Variants in TEAD1 observed in about 807,000 individuals in gnomAD.
TEAD1 encodes transcriptional enhancer factor TEF-1.
A neutral mutation model predicts 54.9 loss-of-function variants in TEAD1; 9 were observed. That is an observed-to-expected ratio of 0.16 (90% confidence interval 0.10 to 0.29). The LOEUF (loss-of-function observed/expected upper bound fraction) is 0.29, where lower values mean the gene tolerates loss of function less well. Among genes scored for constraint, TEAD1 ranks in the 10% least tolerant of loss-of-function variants. The pLI is 1.00. For missense variants in TEAD1, 387 were observed against 535.9 expected, an observed-to-expected ratio of 0.72 and a Z score of 2.74; for synonymous variants, 200 against 187.8, an observed-to-expected ratio of 1.07 and a Z score of -0.53.
At chr11:12,807,047 A>T (rs1946187382) in intron 3 of TEAD1, among the ~76,000 whole-genome samples, 1 of 152,210 alleles carries the variant, frequency 6.6e-6, no homozygotes, top group Non-Finnish European at 1.5e-5. Context: ...GTTTTATTTT[A>T]AAAAATGATG....
chr11:12,785,962 G>A (rs1366501699), intron 3 of TEAD1, among the ~76,000 whole-genome samples: 1 of 152,118 alleles, frequency 6.6e-6, no homozygotes, highest in African/African-American at 2.4e-5. Flanking sequence ...TACAAATCAC[G>A]AGAGCAGCAT....
intron 3 of TEAD1, among the ~76,000 whole-genome samples, chr11:12,861,980 C>CT (rs530996974): frequency 7.8e-4 from 106 of 135,600 alleles, no homozygotes; most frequent in African/African-American, 2.9e-3. Flanking sequence ...GAGTGAAACT[C>CT]TGTCTTTTTT....
In TEAD1 at chr11:12,751,845, C is replaced by T. The variant is rs141304214; in HGVS notation, c.-54-12334C>T. ...GACTTAGGAATGAAACCAAACTTGCCGACCAAAACCACCTCTGAGCACTCT... is the reference window on the plus strand; with the variant it reads ...GACTTAGGAATGAAACCAAACTTGCTGACCAAAACCACCTCTGAGCACTCT... On this transcript the variant is annotated intron_variant, in intron 2 of 12. Transcript: ENST00000527636. Among the ~76,000 whole-genome samples the T allele has an allele frequency of 7.9e-3, 1,195 of 152,180 alleles. 21 individuals are homozygous for T. The highest frequency in any genetic ancestry group is 0.027 in the African/African-American group (1,141 of 41,510).
At chr11:12,712,385 C>G (rs1590074723) in intron 2 of TEAD1, among the ~76,000 whole-genome samples, 1 of 152,206 alleles carries the variant, frequency 6.6e-6, no homozygotes, top group East Asian at 1.9e-4. Flanking sequence ...TGCACCTACA[C>G]AGCTTCACCT....
chr11:12,778,611 C>G (rs1182337540), intron 3 of TEAD1, among the ~76,000 whole-genome samples: 5 of 148,452 alleles, frequency 3.4e-5, no homozygotes, highest in Admixed American at 1.4e-4. Flanking sequence ...GAGAACTCTT[C>G]AAGGGCCAGT....
At chr11:12,855,283 TC>T (rs1947354794) in intron 3 of TEAD1, among the ~76,000 whole-genome samples, 1 of 152,176 alleles carries the variant, frequency 6.6e-6, no homozygotes, top group Non-Finnish European at 1.5e-5. Flanking sequence ...TTTTCTTTTT[TC>T]TTTCTTTCTT....
rs532603885 is a variant in TEAD1, at chr11:12,919,153, T to A, written c.874-5759T>A. Among the ~76,000 whole-genome samples the A allele has an allele frequency of 2.0e-5, 3 of 152,358 alleles. No homozygotes were observed. The South Asian group carries it at 6.2e-4, about 32-fold the overall frequency. ...TTAACTTTGACAGCTTTAAAACATGTAATTTGTTGGGATGGTTTCTGAGGG... is the reference window on the plus strand; with the variant it reads ...TTAACTTTGACAGCTTTAAAACATGAAATTTGTTGGGATGGTTTCTGAGGG... On this transcript the variant is annotated intron_variant, in intron 10 of 12. Transcript: ENST00000527636.
At chr11:12,715,414 C>G (rs538813806) in intron 2 of TEAD1, among the ~76,000 whole-genome samples, 12 of 152,136 alleles carry the variant, frequency 7.9e-5, no homozygotes, top group Non-Finnish European at 1.5e-4. Context: ...GGGTATGGGT[C>G]TCGGGTGATG....
chr11:12,734,285 G>T (rs1944482657), intron 2 of TEAD1, among the ~76,000 whole-genome samples: 1 of 151,954 alleles, frequency 6.6e-6, no homozygotes, highest in Non-Finnish European at 1.5e-5. Flanking sequence ...TATAGAAAAA[G>T]ACATAAAATA....
chr11:12,795,750 G>A (rs1279775360), intron 3 of TEAD1, among the ~76,000 whole-genome samples: 1 of 152,118 alleles, frequency 6.6e-6, no homozygotes, highest in African/African-American at 2.4e-5. Context: ...AGATCCCCAG[G>A]TGATTTGGGT....
At chr11:12,680,496 C>G (rs11022469) in intron 2 of TEAD1, among the ~76,000 whole-genome samples, 3 of 152,300 alleles carry the variant, frequency 2.0e-5, no homozygotes, top group East Asian at 3.9e-4. Flanking sequence ...CCCGCCCGCC[C>G]GAGCCTGTTG....
At chr11:12,925,479 C>T (rs758312886) in intron 11 of TEAD1, among the ~76,000 whole-genome samples, 23 of 152,182 alleles carry the variant, frequency 1.5e-4, no homozygotes, top group Non-Finnish European at 2.5e-4. Flanking sequence ...GTGGGGATTA[C>T]GATTCGAGTT....
intron 2 of TEAD1, among the ~76,000 whole-genome samples, chr11:12,759,917 A>G (rs1278736471): frequency 2.0e-5 from 3 of 152,350 alleles, no homozygotes; most frequent in Middle Eastern, 6.8e-3. Flanking sequence ...CTTTCCTTGA[A>G]GGCATTCTGT....
At chr11:12,826,346 A>G (rs1042910936) in intron 3 of TEAD1, among the ~76,000 whole-genome samples, 1 of 151,660 alleles carries the variant, frequency 6.6e-6, no homozygotes, top group East Asian at 1.9e-4. Context: ...TCAGGAGAAA[A>G]TAGTTCCTTG....
intron 5 of TEAD1, 92 bp downstream of exon 5, chr11:12,864,992 T>TCGTA (rs1947587147): frequency 7.1e-7 from 1 of 1,415,446 alleles, no homozygotes; most frequent in East Asian, 2.3e-5. Flanking sequence ...GCTGGGATTC[T>TCGTA]CGTAACCTAG....
Position 12,944,124 on chromosome 11 carries a change from G to GT in TEAD1, c.*6903dup, listed in dbSNP as rs1162008805. 11 of 152,638 alleles carry GT rather than the reference G, an allele frequency of 7.2e-5. No individual in the cohort carries two copies. The highest frequency in any genetic ancestry group is 2.7e-4 in the African/African-American group (11 of 41,432). 9.5% of individuals were successfully genotyped at this position (152,638 alleles called of 1,614,324 possible). On this transcript the variant is annotated 3_prime_UTR_variant, in exon 13 of 13. Coordinates refer to ENST00000527636, the MANE Select transcript of TEAD1 (RefSeq NM_021961.6). ...CACGTGTATAAAATGGGCTTGTGATGTAAGCGTTTCATCTGGTCAGTGGTT... is the reference window on the plus strand; with the variant it reads ...CACGTGTATAAAATGGGCTTGTGATGTTAAGCGTTTCATCTGGTCAGTGGTT...
chr11:12,765,636 CCCT>C (rs536969155), intron 3 of TEAD1, among the ~76,000 whole-genome samples: 92 of 152,240 alleles, frequency 6.0e-4, no homozygotes, highest in Admixed American at 2.7e-3. Context: ...CCCCACCCCG[CCCT>C]CCTCCTCTCC....
chr11:12,928,717 G>A (rs1229145330), intron 11 of TEAD1, among the ~76,000 whole-genome samples: 2 of 151,888 alleles, frequency 1.3e-5, no homozygotes, highest in African/African-American at 2.4e-5. Flanking sequence ...ATGTTTTTTA[G>A]CATGTACTTT....
At chr11:12,907,501 A>G (rs1344507374) in intron 10 of TEAD1, among the ~76,000 whole-genome samples, 1 of 151,950 alleles carries the variant, frequency 6.6e-6, no homozygotes, top group Admixed American at 6.6e-5. Flanking sequence ...TTTCCTTTCT[A>G]TTTCTTTTGC....
Sources: gnomAD v4.1 joint callset for allele counts (sites outside exome capture counted in the v4.1 genomes callset) on GRCh38, gnomAD v4.1.1 for gene constraint, MANE v1.5 for transcripts, NCBI Gene and HGNC (gene_info 2026-07-23, HGNC 2026-07-21) for gene names.